The following ASTE1 variants were observed in gnomAD, a reference collection of about 807,000 sequenced individuals.
ASTE1 encodes the protein asteroid structure-specific endonuclease 1.
A neutral mutation model predicts 45.8 loss-of-function variants in ASTE1; 49 were observed. The observed-to-expected ratio is 1.07, with a 90% confidence interval of 0.85 to 1.36. The LOEUF (loss-of-function observed/expected upper bound fraction) is 1.36, where lower values mean the gene tolerates loss of function less well. Ranked by LOEUF, ASTE1 falls within the 40% of genes most tolerant of loss-of-function variation. The pLI is 0.00. For synonymous variants in ASTE1, 296 were observed against 303.9 expected, an observed-to-expected ratio of 0.97 and a Z score of 0.27; for missense variants, 709 against 804.0, an observed-to-expected ratio of 0.88 and a Z score of 1.43.
chr3:131,018,440 T>C (rs1577105010), intron 4 of ASTE1, 66 bp downstream of exon 4: 1 of 1,481,444 alleles, frequency 6.8e-7, no homozygotes, highest in East Asian at 2.3e-5. Context: ...TTTGTTTGTG[T>C]AAACTCGAGT....
In ASTE1 at chr3:131,014,160, C is replaced by T. The variant is rs113765391; in HGVS notation, c.1937G>A (p.Arg646Lys). ...CCAACACTTGGTGTGTGCAGTGGTT[C>T]TCCCTCTGTTCTTAGAACAGCTGGT... ...QNTSCSKNRG[R>K]TTAHTKCWYE... Residue 646 changes from arginine (R) to lysine (K), a missense_variant, in exon 6 of 6, where the codon AGA (arginine) becomes AAA (lysine). Physicochemically the swap from Arg to Lys is conservative, Grantham distance 26. Coordinates refer to ENST00000264992, the MANE Select transcript of ASTE1 (RefSeq NM_014065.4). The T allele has an allele frequency of 1.2e-6, 2 of 1,613,758 alleles. No homozygotes were observed. The highest frequency in any genetic ancestry group is 1.3e-5 in the African/African-American group (1 of 74,856).
At position 131,026,517 on chromosome 3, in the gene ASTE1, C is replaced by T. The variant is rs2063900205; in HGVS notation, c.-157G>A. ...GCAGAGCCCACCTACTCTGTCCTCC[C>T]AGAGGAGTAGCTCCTCCATCAGAAG... On this transcript the variant is annotated 5_prime_UTR_variant, in exon 1 of 6. An upstream open reading frame in the 5' UTR gains an earlier in-frame stop. Transcript: ENST00000264992. 6.6e-6 allele frequency: 1 copy of T among 152,532 alleles called. No individual in the cohort carries two copies. Among genetic ancestry groups the T allele is most frequent in the Admixed American group, 6.5e-5 (1 of 15,292 alleles). The allele number at this position is 152,532 out of a possible 1,614,324, so 9.4% of individuals were successfully genotyped here. A position where few individuals can be genotyped will look rare whatever the true frequency, so the allele number is the denominator to read the frequency against.
In ASTE1 at chr3:131,025,053, G is replaced by C; in HGVS notation, c.254C>G (p.Ser85Ter). The change falls in exon 3 of 6, where the codon TCA (serine) becomes TGA (stop). Residue 85 changes from serine to a stop codon, truncating the protein, a stop_gained. Transcript: ENST00000264992. LOFTEE classifies it high-confidence loss of function. ...YVVLDGGCDISDKKLTTLKDR... is the reference protein window; with the variant it reads ...YVVLDGGCDI ...CTTTAAAGTTGTAAGCTTTTTATCT[G>C]AAATGTCACATCCTCCATCTAATAC... is the stretch of plus-strand genomic sequence containing the variant. The C allele has an allele frequency of 6.2e-7, 1 of 1,606,486 alleles. No individual in the cohort carries two copies.
At chr3:131,025,890 T>C (rs1488889123) in intron 1 of ASTE1, among the ~76,000 whole-genome samples, 1 of 152,228 alleles carries the variant, frequency 6.6e-6, no homozygotes, top group East Asian at 1.9e-4. Flanking sequence ...CCCTTCTTAA[T>C]TGGCATAGTT....
Position 131,016,251 on chromosome 3 carries a change from C to T in ASTE1, c.1602G>A (p.Leu534=). 6.2e-7 allele frequency: 1 copy of T among 1,614,124 alleles called. No homozygotes were observed. Among genetic ancestry groups the T allele is most frequent in the Non-Finnish European group, 8.5e-7 (1 of 1,180,024 alleles). ...AGAAGATGTGAGCTGTGTCTAAGTC[C>T]AGTCTTGTGCCCAGCCGTGTCTGCG... ...VKAQTRLGTR[L]DLDTAHIFCQ... Residue 534 remains leucine, a synonymous_variant, in exon 5 of 6, where the codon CTG becomes CTA. Coordinates refer to ENST00000264992, the MANE Select transcript of ASTE1 (RefSeq NM_014065.4).
rs768626068 is a variant in ASTE1 at position 131,014,180 on chromosome 3, G to A, written c.1917C>T (p.Ser639=). The change falls in exon 6 of 6, where the codon AGC becomes AGT. Residue 639 remains serine, a synonymous_variant. Coordinates refer to ENST00000264992, the MANE Select transcript of ASTE1 (RefSeq NM_014065.4). ...TGGTTCTCCCTCTGTTCTTAGAACA[G>A]CTGGTATTCTGTTTCTTCTGCCTTT... The part of the protein sequence containing the change: ...KKKRQKKQNT[S]CSKNRGRTTA... 6.2e-7 allele frequency: 1 copy of A among 1,613,378 alleles called. No homozygotes were observed. The highest frequency in any genetic ancestry group is 2.2e-5 in the East Asian group (1 of 44,874).
chr3:131,020,551 A>G (rs1336395830), intron 3 of ASTE1, among the ~76,000 whole-genome samples: 1 of 150,776 alleles, frequency 6.6e-6, no homozygotes, highest in Non-Finnish European at 1.5e-5. Context: ...CCATGTGGTT[A>G]TTGTGGGAAT....
intron 4 of ASTE1, among the ~76,000 whole-genome samples, chr3:131,017,969 CAAAAAAAAAAAAAAAA>C (rs10555602): frequency 0.087 from 3,897 of 45,032 alleles, 236 homozygotes; most frequent in African/African-American, 0.27. Context: ...GACTCCATCT[CAAAAAAAAAAAAAAAA>C]AAAAAAAAAA....
chr3:131,025,361 T>C (rs568913123), intron 2 of ASTE1, 30 bp from the exon 3 acceptor site: 39 of 1,554,144 alleles, frequency 2.5e-5, no homozygotes, highest in East Asian at 1.1e-4. Context: ...ACATTTTCAA[T>C]TGATGCTAGT....
rs746740959 is a variant in ASTE1, at chr3:131,024,405, T to C, written c.902A>G (p.Gln301Arg). 6 of 1,614,138 alleles carry C rather than the reference T, an allele frequency of 3.7e-6. No individual in the cohort carries two copies. Among genetic ancestry groups the C allele is most frequent in the Non-Finnish European group, 5.1e-6 (6 of 1,180,054 alleles). The change falls in exon 3 of 6, where the codon CAG becomes CGG. Residue 301 changes from glutamine to arginine, a missense_variant. Transcript: ENST00000264992. ...GAAGTCCTGTAGCTTCACCTGGGAC[T>C]GTTGGTATTCTTCCATGGAACAGCA... ...LLCCSMEEYQ[Q>R]SQVKLQDFFQ...
At chr3:131,021,279 CATGGAA>C (rs1366392331) in intron 3 of ASTE1, among the ~76,000 whole-genome samples, 3 of 151,846 alleles carry the variant, frequency 2.0e-5, no homozygotes, top group African/African-American at 7.3e-5. Context: ...CTAATGAACA[CATGGAA>C]ATGGAAGATT....
At chr3:131,018,969 A>T (rs1418696859) in intron 3 of ASTE1, among the ~76,000 whole-genome samples, 1 of 152,152 alleles carries the variant, frequency 6.6e-6, no homozygotes, top group Non-Finnish European at 1.5e-5. Flanking sequence ...TCCTCTTTGT[A>T]TACGCTGGTG....
intron 5 of ASTE1, 46 bp downstream of exon 5, chr3:131,016,098 A>G (rs2063621113): frequency 6.3e-7 from 1 of 1,593,598 alleles, no homozygotes; most frequent in Non-Finnish European, 8.5e-7. Flanking sequence ...TACTGTATTT[A>G]CTTTTGTGTG....
rs2063455974 is a variant in ASTE1 at position 131,014,078 on chromosome 3, A to G, written c.2019T>C (p.Ser673=). 3.1e-6 allele frequency: 5 copies of G among 1,594,062 alleles called. No individual in the cohort carries two copies. Among genetic ancestry groups the G allele is most frequent in the Non-Finnish European group, 4.3e-6 (5 of 1,173,854 alleles). ...LLMVENLEEH[S]EASNIE ...AGTTTTATTCAATGTTGGAGGCCTCACTATGTTCCTCTAAGTTTTCAACCA... is the reference window on the plus strand; with the variant it reads ...AGTTTTATTCAATGTTGGAGGCCTCGCTATGTTCCTCTAAGTTTTCAACCA... Residue 673 remains serine (S), a synonymous_variant, in exon 6 of 6, where the codon AGT becomes AGC. Coordinates refer to ENST00000264992, the MANE Select transcript of ASTE1 (RefSeq NM_014065.4).
At chr3:131,018,739 C>T in intron 3 of ASTE1, 23 bp from the exon 4 acceptor site, 1 of 1,606,306 alleles carries the variant, frequency 6.2e-7, no homozygotes, top group Middle Eastern at 1.8e-4. Flanking sequence ...ACCAAGTATC[C>T]TGCAAGTTAC....
chr3:131,025,969 C>T (rs927492833), intron 1 of ASTE1, among the ~76,000 whole-genome samples: 1 of 152,184 alleles, frequency 6.6e-6, no homozygotes, highest in Non-Finnish European at 1.5e-5. Context: ...TAACCACGAG[C>T]TCTTTTCATC....
chr3:131,023,148 A>G (rs1453467946), intron 3 of ASTE1, among the ~76,000 whole-genome samples: 4 of 152,176 alleles, frequency 2.6e-5, no homozygotes, highest in African/African-American at 9.7e-5. Flanking sequence ...CCTGACTTAA[A>G]TCCACTGGGA....
chr3:131,013,953 A>G lies in ASTE1; in HGVS notation c.*104T>C, dbSNP rs1051304090. The G allele has an allele frequency of 1.3e-5, 10 of 753,200 alleles. No individual in the cohort carries two copies. The highest frequency in any genetic ancestry group is 2.1e-5 in the Non-Finnish European group (10 of 479,558). 46.7% of individuals were successfully genotyped at this position (753,200 alleles called of 1,614,324 possible). A position where few individuals can be genotyped will look rare whatever the true frequency, so the allele number is the denominator to read the frequency against. On this transcript the variant is annotated 3_prime_UTR_variant, in exon 6 of 6. Coordinates refer to ENST00000264992, the MANE Select transcript of ASTE1 (RefSeq NM_014065.4). Reference sequence around the variant, plus strand: ...CAGATTATTGTGATGTTTATCCCCTAACAGGTCAGTCCTAAAGAAAAAGCT... The same window carrying G: ...CAGATTATTGTGATGTTTATCCCCTGACAGGTCAGTCCTAAAGAAAAAGCT...
rs1385218736 is a variant in ASTE1 at position 131,026,145 on chromosome 3, T to A, written c.-147+362A>T. On this transcript the variant is annotated intron_variant, in intron 1 of 5. Coordinates refer to ENST00000264992, the MANE Select transcript of ASTE1 (RefSeq NM_014065.4). ...TGACATTTTGTCAGTCATGGATTTT[T>A]TTTGCTATAATTTTGATTTTTAGAG... The A allele has an allele frequency of 2.0e-5, 3 of 152,202 alleles. No individual in the cohort carries two copies. In the East Asian group the frequency reaches 5.8e-4, roughly 29 times the overall value. 9.4% of individuals were successfully genotyped at this position (152,202 alleles called of 1,614,324 possible).
Sources: gnomAD v4.1 joint callset for allele counts (sites outside exome capture counted in the v4.1 genomes callset) on GRCh38, gnomAD v4.1.1 for gene constraint, MANE v1.5 for transcripts, NCBI Gene and HGNC (gene_info 2026-07-23, HGNC 2026-07-21) for gene names.